The following ATP8A2 variants were observed in gnomAD, a reference collection of about 807,000 sequenced individuals.
The protein encoded by ATP8A2 is phospholipid-transporting ATPase IB.
In ATP8A2, 100 loss-of-function variants were observed where a neutral mutation model predicts 165.6. The ratio of observed to expected loss-of-function variants is 0.60; its 90% confidence interval spans 0.51 to 0.71. The LOEUF is 0.71. ATP8A2 is among the 30% of genes least tolerant of loss of function. The pLI, the probability that ATP8A2 is intolerant of heterozygous loss-of-function variation, is 0.00. For synonymous variants in ATP8A2, 543 were observed against 548.8 expected, an observed-to-expected ratio of 0.99 and a Z score of 0.15; for missense variants, 1,227 against 1,479.5, an observed-to-expected ratio of 0.83 and a Z score of 2.80.
At chr13:25,627,471 C>A (rs2137492012) in intron 24 of ATP8A2, among the ~76,000 whole-genome samples, 1 of 152,224 alleles carries the variant, frequency 6.6e-6, no homozygotes, top group Non-Finnish European at 1.5e-5. Flanking sequence ...TAAATGAAAT[C>A]ATAAGGGTAG....
At chr13:25,432,077 T>C (rs748730976) in intron 1 of ATP8A2, among the ~76,000 whole-genome samples, 1 of 152,242 alleles carries the variant, frequency 6.6e-6, no homozygotes, top group Non-Finnish European at 1.5e-5. Context: ...CTTATTCTTT[T>C]ATTTACTGCT....
intron 31 of ATP8A2, 102 bp from the exon 32 acceptor site, chr13:25,860,702 T>C: frequency 1.1e-6 from 1 of 896,478 alleles, no homozygotes; most frequent in Non-Finnish European, 1.8e-6. Context: ...CGGAGCTGCC[T>C]TGGGGAAGCT....
intron 25 of ATP8A2, among the ~76,000 whole-genome samples, chr13:25,764,627 A>G (rs2044453702): frequency 6.6e-6 from 1 of 152,190 alleles, no homozygotes; most frequent in Non-Finnish European, 1.5e-5. Context: ...TACCTTGACA[A>G]TCCCTCTGGG....
intron 16 of ATP8A2, among the ~76,000 whole-genome samples, chr13:25,568,551 C>G (rs184437803): frequency 1.3e-5 from 2 of 152,026 alleles, no homozygotes; most frequent in Non-Finnish European, 2.9e-5. Flanking sequence ...GAGGTACATA[C>G]AATAGGCAAA....
intron 23 of ATP8A2, 77 bp from the exon 24 acceptor site, chr13:25,589,558 T>TA: frequency 9.2e-7 from 1 of 1,092,264 alleles, no homozygotes; most frequent in Non-Finnish European, 1.4e-6. Context: ...AAGTGGCAGA[T>TA]ATAACCAAGG....
intron 25 of ATP8A2, among the ~76,000 whole-genome samples, chr13:25,757,102 C>T (rs151157152): frequency 1.9e-3 from 285 of 152,324 alleles, no homozygotes; most frequent in South Asian, 6.2e-3. Context: ...GACAATACAC[C>T]TACTCTCCAG....
intron 24 of ATP8A2, among the ~76,000 whole-genome samples, chr13:25,591,575 G>A (rs1314208385): frequency 6.7e-6 from 1 of 150,014 alleles, no homozygotes; most frequent in East Asian, 2.0e-4. Context: ...CAGTTGAGTA[G>A]CTTATAACTT....
intron 1 of ATP8A2, among the ~76,000 whole-genome samples, chr13:25,381,672 T>C (rs2032841403): frequency 6.6e-6 from 1 of 152,240 alleles, no homozygotes; most frequent in Non-Finnish European, 1.5e-5. Flanking sequence ...TTGATTTCAC[T>C]CATAATTTGT....
chr13:25,682,273 C>T (rs890665446), intron 24 of ATP8A2, among the ~76,000 whole-genome samples: 14 of 151,998 alleles, frequency 9.2e-5, no homozygotes, highest in African/African-American at 2.9e-4. Flanking sequence ...CCCTGTTAAT[C>T]GGATCGTGCC....
intron 1 of ATP8A2, among the ~76,000 whole-genome samples, chr13:25,408,375 G>C (rs2033870029): frequency 7.0e-6 from 1 of 141,918 alleles, no homozygotes; most frequent in Non-Finnish European, 1.5e-5. Context: ...CCTGGTGACA[G>C]AGCAAGACTC....
chr13:25,860,992 G>A lies in ATP8A2; in HGVS notation c.3075+132G>A, dbSNP rs117619636. ...TCAGATTTTCTGTGTAAAAATTGTG[G>A]TTTGATCTTGATCAGGGTAAATTTG... On this transcript the variant is annotated intron_variant, in intron 32 of 36. Transcript: ENST00000381655. 11,338 of 695,834 alleles carry A rather than the reference G, an allele frequency of 0.016. 152 individuals are homozygous for A. The highest frequency in any genetic ancestry group is 0.022 in the Non-Finnish European group (9,004 of 405,710). The allele number at this position is 695,834 out of a possible 1,614,324, so 43.1% of individuals were successfully genotyped here.
At chr13:25,837,796 G>T (rs527548677) in intron 29 of ATP8A2, among the ~76,000 whole-genome samples, 128 of 151,998 alleles carry the variant, frequency 8.4e-4, no homozygotes, top group Non-Finnish European at 1.4e-3. Context: ...AGGGGATTTG[G>T]TTTTGTTTTT....
chr13:25,963,553 TTAGA>T (rs1382913231), intron 34 of ATP8A2, among the ~76,000 whole-genome samples: 4 of 152,234 alleles, frequency 2.6e-5, no homozygotes, highest in African/African-American at 9.6e-5. Context: ...TAAGTCAGTT[TTAGA>T]TAAATAGGCC....
At chr13:25,528,811 C>T (rs1310992178) in intron 2 of ATP8A2, among the ~76,000 whole-genome samples, 9 of 66,656 alleles carry the variant, frequency 1.4e-4, no homozygotes, top group African/African-American at 4.2e-4. Context: ...ACATATGCAA[C>T]ATGTGTATGC....
chr13:25,848,888 T>C (rs368055719), intron 30 of ATP8A2, among the ~76,000 whole-genome samples: 1 of 152,148 alleles, frequency 6.6e-6, no homozygotes, highest in East Asian at 1.9e-4. Context: ...TCTGAAAGTT[T>C]GTAATTTAGC....
intron 33 of ATP8A2, among the ~76,000 whole-genome samples, chr13:25,937,848 CAAAAAAAAAAAAAAAAAA>C (rs57258286): frequency 1.2e-5 from 1 of 83,560 alleles, no homozygotes; most frequent in East Asian, 3.6e-4. Flanking sequence ...GACTCCGTCT[CAAAAAAAAAAAAAAAAAA>C]AAAAAGACCA....
chr13:25,415,280 T>G (rs2034100207), intron 1 of ATP8A2, among the ~76,000 whole-genome samples: 1 of 152,176 alleles, frequency 6.6e-6, no homozygotes, highest in East Asian at 1.9e-4. Context: ...GGGGCAATGC[T>G]TGACTGCCCT....
intron 25 of ATP8A2, among the ~76,000 whole-genome samples, chr13:25,731,345 G>T (rs192365673): frequency 4.8e-5 from 7 of 145,148 alleles, no homozygotes; most frequent in Non-Finnish European, 4.5e-5. Flanking sequence ...AGGGAAAGAA[G>T]AAAGAAGGAA....
intron 1 of ATP8A2, among the ~76,000 whole-genome samples, chr13:25,397,534 A>G (rs2033470256): frequency 6.6e-6 from 1 of 152,102 alleles, no homozygotes; most frequent in Non-Finnish European, 1.5e-5. Flanking sequence ...TGCTTGCAAT[A>G]TGGGTCCATT....
Sources: allele counts gnomAD v4.1 joint callset (sites outside exome capture counted in the v4.1 genomes callset), GRCh38; gene constraint gnomAD v4.1.1; transcripts MANE v1.5; gene names NCBI Gene and HGNC (gene_info 2026-07-23, HGNC 2026-07-21).